Variants in FAM177B observed in about 807,000 individuals in gnomAD.
FAM177B encodes the protein family with sequence similarity 177 member B, also known as protein FAM177B.
In FAM177B, 16 loss-of-function variants were observed where a neutral mutation model predicts 16.1. The ratio of observed to expected loss-of-function variants is 0.99; its 90% CI spans 0.67 to 1.51. The LOEUF is 1.51. Among genes scored for constraint, FAM177B ranks in the 40% most tolerant of loss-of-function variants. The pLI, the probability that FAM177B is intolerant of heterozygous loss-of-function variation, is 0.00. For missense variants in FAM177B, 178 were observed against 183.7 expected, an observed-to-expected ratio of 0.97 and a Z score of 0.18; for synonymous variants, 56 against 59.9, an observed-to-expected ratio of 0.93 and a Z score of 0.30.
intron 2 of FAM177B, among the ~76,000 whole-genome samples, chr1:222,738,589 C>T (rs903034335): frequency 3.6e-4 from 27 of 74,164 alleles, no homozygotes; most frequent in Admixed American, 1.1e-3. Flanking sequence ...AAAGGCTGGG[C>T]GTGTGGCACG....
intron 4 of FAM177B, 145 bp from the exon 5 acceptor site, chr1:222,749,320 G>A (rs1267648535): frequency 1.8e-6 from 1 of 561,932 alleles, no homozygotes; most frequent in Non-Finnish European, 3.2e-6. Flanking sequence ...CAAGGCAATT[G>A]AAATGTTTTG....
At chr1:222,741,944 TTC>T (rs1236334675) in intron 2 of FAM177B, among the ~76,000 whole-genome samples, 2 of 134,534 alleles carry the variant, frequency 1.5e-5, no homozygotes, top group African/African-American at 5.5e-5. Flanking sequence ...CTTTCTTTCT[TTC>T]TTTCTTTCCT....
chr1:222,740,992 C>T (rs1384147699), intron 2 of FAM177B, among the ~76,000 whole-genome samples: 1 of 151,906 alleles, frequency 6.6e-6, no homozygotes, highest in African/African-American at 2.4e-5. Flanking sequence ...AGCCACCGCG[C>T]CCGGGTTTGT....
Position 222,746,567 on chromosome 1 carries a change from C to A in FAM177B, c.22C>A (p.Gln8Lys). MEIDGFQ[Q>K]LDLEKSVPSK... ...CATTATGGAGATTGACGGTTTCCAG[C>A]AGTTAGACCTAGAGAAGAGTGTACC... Residue 8 changes from glutamine to lysine, a missense_variant, in exon 3 of 6, where the codon CAG becomes AAG. Gln to Lys is a moderately conservative substitution (Grantham distance 53). Transcript: ENST00000445590. 1 of 1,603,180 alleles carries A rather than the reference C, an allele frequency of 6.2e-7. No homozygotes were observed.
chr1:222,740,763 G>A (rs1195733112), intron 2 of FAM177B, among the ~76,000 whole-genome samples: 1 of 150,816 alleles, frequency 6.6e-6, no homozygotes, highest in South Asian at 2.1e-4. Context: ...GCAGTGGCAC[G>A]ATCTCAGCTC....
chr1:222,741,905 C>CTCT (rs1658562920), intron 2 of FAM177B, among the ~76,000 whole-genome samples: 1 of 77,958 alleles, frequency 1.3e-5, no homozygotes, highest in African/African-American at 5.8e-5. Flanking sequence ...TCCCTCCCTC[C>CTCT]CTCTCTCTCT....
At chr1:222,744,472 CAA>C (rs763596466) in intron 2 of FAM177B, among the ~76,000 whole-genome samples, 52 of 82,452 alleles carry the variant, frequency 6.3e-4, no homozygotes, top group Non-Finnish European at 8.4e-4. Flanking sequence ...AACTCCATCT[CAA>C]AAAAAAAAAA....
chr1:222,739,273 C>G (rs1039678110), intron 2 of FAM177B, among the ~76,000 whole-genome samples: 2 of 152,110 alleles, frequency 1.3e-5, no homozygotes, highest in African/African-American at 4.8e-5. Flanking sequence ...AAGTAGAAAG[C>G]AAGAAAGCCT....
rs559454853 is a variant in FAM177B at position 222,740,946 on chromosome 1, G to A, written c.-16+2925G>A. On this transcript the variant is annotated intron_variant, in intron 2 of 5. Transcript: ENST00000445590. ...GATCTCCTGACCTCGCGATCTGCCC[G>A]TCTCAGTCTCCCAAAGTGCAGGGAT... is the stretch of plus-strand genomic sequence containing the variant. Among the ~76,000 whole-genome samples the A allele has an allele frequency of 4.6e-5, 7 of 151,966 alleles. 1 individual carries two copies. The South Asian group carries it at 1.2e-3, about 27-fold the overall frequency.
intron 2 of FAM177B, among the ~76,000 whole-genome samples, chr1:222,738,473 C>A (rs902758496): frequency 6.8e-6 from 1 of 146,896 alleles, no homozygotes; most frequent in Non-Finnish European, 1.5e-5. Flanking sequence ...AATCCCAGCA[C>A]TTTGGGAGGC....
intron 1 of FAM177B, among the ~76,000 whole-genome samples, chr1:222,737,566 G>C (rs529315174): frequency 3.7e-4 from 56 of 152,220 alleles, no homozygotes; most frequent in Non-Finnish European, 7.1e-4. Context: ...CGTGGGGTTA[G>C]AGTGATGTCA....
chr1:222,743,045 T>C (rs967549579), intron 2 of FAM177B, among the ~76,000 whole-genome samples: 1 of 152,206 alleles, frequency 6.6e-6, no homozygotes, highest in Non-Finnish European at 1.5e-5. Flanking sequence ...CTCCCAGTTT[T>C]CTCATCAGCT....
chr1:222,746,503 C>T, intron 2 of FAM177B, 28 bp from the exon 3 acceptor site: 1 of 1,411,556 alleles, frequency 7.1e-7, no homozygotes, highest in Non-Finnish European at 9.8e-7. Context: ...GTAACTTGCC[C>T]TAAGGTGCCC....
At chr1:222,745,054 CTTTTGCTTAGCA>C (rs968569826) in intron 2 of FAM177B, among the ~76,000 whole-genome samples, 79 of 152,280 alleles carry the variant, frequency 5.2e-4, no homozygotes, top group African/African-American at 1.8e-3. Flanking sequence ...TGTCTGGCTT[CTTTTGCTTAGCA>C]TAATACATTT....
Position 222,750,773 on chromosome 1 carries a change from T to A in FAM177B, c.*715T>A. 1 of 188,738 alleles carries A rather than the reference T, an allele frequency of 5.3e-6. No homozygotes were observed. The highest frequency in any genetic ancestry group is 9.6e-6 in the Non-Finnish European group (1 of 104,394). 11.7% of individuals were successfully genotyped at this position (188,738 alleles called of 1,614,324 possible). On this transcript the variant is annotated 3_prime_UTR_variant, in exon 6 of 6. Coordinates refer to ENST00000445590, the MANE Select transcript of FAM177B (RefSeq NM_001394345.1). ...ATAACACAGGGTGTGCTGGCCAAAGTAACTGTGATACATTAATAGCAAAAA... is the reference window on the plus strand; with the variant it reads ...ATAACACAGGGTGTGCTGGCCAAAGAAACTGTGATACATTAATAGCAAAAA...
At position 222,746,608 on chromosome 1, in the gene FAM177B, T is replaced by C. The variant is rs769572528; in HGVS notation, c.63T>C (p.Thr21=). 1.2e-6 allele frequency: 2 copies of C among 1,611,852 alleles called. No homozygotes were observed. The highest frequency in any genetic ancestry group is 1.7e-6 in the Non-Finnish European group (2 of 1,177,962). ...AGAGTGTACCTTCCAAAAAGACTAC[T>C]CCTAAAAGGATTATCCATTTTGTTG... ...LEKSVPSKKT[T]PKRIIHFVDG... The change falls in exon 3 of 6, where the codon ACT becomes ACC. Residue 21 remains threonine (T), a synonymous_variant. Coordinates refer to ENST00000445590, the MANE Select transcript of FAM177B (RefSeq NM_001394345.1).
At chr1:222,737,349 C>T (rs1458014582) in intron 1 of FAM177B, 27 bp downstream of exon 1, 1 of 152,478 alleles carries the variant, frequency 6.6e-6, no homozygotes, top group African/African-American at 2.4e-5. Context: ...AAAAATGAAA[C>T]AGGAGGTAAG....
chr1:222,743,284 A>T lies in FAM177B; in HGVS notation c.-15-3247A>T, dbSNP rs563970760. 4.3e-4 allele frequency among the ~76,000 whole-genome samples: 65 copies of T among 151,908 alleles called. No individual in the cohort carries two copies. In the South Asian group the frequency reaches 8.5e-3, roughly 20 times the overall value. On this transcript the variant is annotated intron_variant, in intron 2 of 5. Coordinates refer to ENST00000445590, the MANE Select transcript of FAM177B (RefSeq NM_001394345.1). ...TGCCTCAGCTTCCCAAGTAGCTGGG[A>T]TTATAGGCTCTTGCCACCATGCCTG...
At chr1:222,741,922 CTCTCTCTCTTTCTT>C (rs1229573475) in intron 2 of FAM177B, among the ~76,000 whole-genome samples, 5 of 103,992 alleles carry the variant, frequency 4.8e-5, no homozygotes, top group African/African-American at 1.9e-4. Context: ...CTCTCTCTCT[CTCTCTCTCTTTCTT>C]TCTTTCTTTC....
Sources: allele counts gnomAD v4.1 joint callset (sites outside exome capture counted in the v4.1 genomes callset), GRCh38; gene constraint gnomAD v4.1.1; transcripts MANE v1.5; gene names NCBI Gene and HGNC (gene_info 2026-07-23, HGNC 2026-07-21).